MCMBP: variants seen among roughly 807,000 people sequenced by gnomAD.
MCMBP encodes the protein mini-chromosome maintenance complex-binding protein.
MCMBP carries 31 observed loss-of-function variants against 81.3 expected under a neutral mutation model. That is an observed-to-expected ratio of 0.38 (90% CI 0.29 to 0.51). The LOEUF (loss-of-function observed/expected upper bound fraction) is 0.51, where lower values mean the gene tolerates loss of function less well. MCMBP is among the 20% of genes least tolerant of loss of function. MCMBP has a pLI of 0.87. For missense variants in MCMBP, 645 were observed against 772.1 expected, an observed-to-expected ratio of 0.84 and a Z score of 1.95; for synonymous variants, 267 against 275.9, an observed-to-expected ratio of 0.97 and a Z score of 0.32.
In MCMBP at chr10:119,838,575, G is replaced by A. The variant is rs766651867; in HGVS notation, c.1368C>T (p.Ile456=). 11 of 1,613,968 alleles carry A rather than the reference G, an allele frequency of 6.8e-6. No individual in the cohort carries two copies. The highest frequency in any genetic ancestry group is 1.1e-5 in the South Asian group (1 of 91,086). The change falls in exon 12 of 16, where the codon ATC becomes ATT. Residue 456 remains isoleucine, a synonymous_variant. Coordinates refer to ENST00000369077, the MANE Select transcript of MCMBP (RefSeq NM_001256378.2). The part of the protein sequence containing the change: ...LQLPSNTSLV[I]DETLLEQGQL... ...GCCCCTGTTCCAGGAGAGTCTCATC[G>A]ATTACAAGGGAAGTATTGCTGGGCA...
At chr10:119,868,123 G>A (rs1853538314) in intron 1 of MCMBP, among the ~76,000 whole-genome samples, 1 of 152,148 alleles carries the variant, frequency 6.6e-6, no homozygotes, top group South Asian at 2.1e-4. Flanking sequence ...ACCAATAGTT[G>A]AAGGGAAAAC....
chr10:119,838,446 G>T, intron 12 of MCMBP, 89 bp downstream of exon 12: 4 of 1,256,058 alleles, frequency 3.2e-6, no homozygotes, highest in African/African-American at 1.5e-5. Flanking sequence ...ATGTGAATTT[G>T]TCCATAGATA....
Position 119,843,329 on chromosome 10 carries a change from C to T in MCMBP, c.925G>A (p.Val309Met). 2 of 1,614,082 alleles carry T rather than the reference C, an allele frequency of 1.2e-6. No homozygotes were observed. Among genetic ancestry groups the T allele is most frequent in the South Asian group, 1.1e-5 (1 of 91,076 alleles). ...PPASLVPRIH[V>M]ILAQKLQHIN... ...TGTTGCAACTTCTGGGCTAAGATCA[C>T]ATGAATTCTCGGCACTAATGAAGCA... is the stretch of plus-strand genomic sequence containing the variant. Residue 309 changes from valine to methionine, a missense_variant, in exon 9 of 16, where the codon GTG becomes ATG. Transcript: ENST00000369077.
chr10:119,844,684 C>A (rs948216238), intron 8 of MCMBP, among the ~76,000 whole-genome samples: 3 of 152,154 alleles, frequency 2.0e-5, no homozygotes, highest in Admixed American at 6.5e-5. Flanking sequence ...AGTCAGCGGG[C>A]TGGGAGAGGC....
At chr10:119,855,560 T>C (rs1421592756) in intron 5 of MCMBP, among the ~76,000 whole-genome samples, 1 of 152,032 alleles carries the variant, frequency 6.6e-6, no homozygotes, top group Non-Finnish European at 1.5e-5. Context: ...CAATCCCAGC[T>C]ACTTGGGAGG....
rs1327891657 is a variant in MCMBP, at chr10:119,841,039, T to C, written c.1125-79A>G. ...ATCAAATAGCGAAGAATAGAAAAAT[T>C]AGCTTAATATTGTCATTAAAAATAA... On this transcript the variant is annotated intron_variant, in intron 10 of 15. Transcript: ENST00000369077. 6 of 828,264 alleles carry C rather than the reference T, an allele frequency of 7.2e-6. No homozygotes were observed. In the African/African-American group the frequency reaches 1.0e-4, roughly 14 times the overall value. 51.3% of individuals were successfully genotyped at this position (828,264 alleles called of 1,614,324 possible).
At chr10:119,845,363 A>G (rs1025382408) in intron 8 of MCMBP, among the ~76,000 whole-genome samples, 1 of 152,184 alleles carries the variant, frequency 6.6e-6, no homozygotes, top group Non-Finnish European at 1.5e-5. Flanking sequence ...CAATCTCAAA[A>G]CAAAACAAAA....
intron 2 of MCMBP, among the ~76,000 whole-genome samples, chr10:119,859,478 T>C (rs1347557707): frequency 1.3e-5 from 2 of 152,240 alleles, no homozygotes; most frequent in Non-Finnish European, 2.9e-5. Context: ...ATTTACTTTG[T>C]TGAGCTCTTC....
intron 11 of MCMBP, among the ~76,000 whole-genome samples, chr10:119,838,926 A>G (rs1280633363): frequency 6.6e-6 from 1 of 152,160 alleles, no homozygotes; most frequent in Non-Finnish European, 1.5e-5. Flanking sequence ...GTCTTGTTCA[A>G]TATTCTTGAA....
At chr10:119,845,493 G>T (rs192661914) in intron 8 of MCMBP, among the ~76,000 whole-genome samples, 76 of 152,210 alleles carry the variant, frequency 5.0e-4, no homozygotes, top group African/African-American at 1.8e-3. Context: ...AAATGTATAC[G>T]TATCTTCATA....
intron 1 of MCMBP, among the ~76,000 whole-genome samples, chr10:119,861,410 C>T (rs1853249712): frequency 6.6e-6 from 1 of 152,124 alleles, no homozygotes. Flanking sequence ...CAACCCCGAA[C>T]CACAGAATCA....
chr10:119,848,387 GGGTC>G (rs1311057596), intron 7 of MCMBP, among the ~76,000 whole-genome samples: 3 of 152,114 alleles, frequency 2.0e-5, no homozygotes, highest in Non-Finnish European at 2.9e-5. Context: ...TGAGGTGGGT[GGGTC>G]ACTTGAGGTC....
chr10:119,848,302 A>C (rs886807230), intron 7 of MCMBP, among the ~76,000 whole-genome samples: 2 of 152,188 alleles, frequency 1.3e-5, no homozygotes, highest in Non-Finnish European at 1.5e-5. Context: ...ATATGACTTA[A>C]GTGTCATTTC....
chr10:119,855,629 C>T (rs950443277), intron 5 of MCMBP, among the ~76,000 whole-genome samples: 2 of 151,956 alleles, frequency 1.3e-5, no homozygotes, highest in African/African-American at 4.8e-5. Context: ...CGAGATTGTG[C>T]CACTGCACTC....
intron 11 of MCMBP, among the ~76,000 whole-genome samples, chr10:119,840,522 AGAGTTT>A: frequency 6.6e-6 from 1 of 152,370 alleles, no homozygotes; most frequent in Admixed American, 6.5e-5. Context: ...CCTACAATTT[AGAGTTT>A]ATTTAGATTT....
chr10:119,833,367 A>G (rs1852114934), intron 14 of MCMBP, among the ~76,000 whole-genome samples: 1 of 151,964 alleles, frequency 6.6e-6, no homozygotes, highest in Non-Finnish European at 1.5e-5. Flanking sequence ...TTGTGGCTAG[A>G]TGTGGTGGCT....
chr10:119,865,335 T>TA (rs1372010058), intron 1 of MCMBP, among the ~76,000 whole-genome samples: 4 of 152,202 alleles, frequency 2.6e-5, no homozygotes, highest in Non-Finnish European at 5.9e-5. Context: ...CTTATGCCCG[T>TA]AATCCCAGCA....
rs1564870193 is a variant in MCMBP, at chr10:119,835,755, C to T, written c.1543-51G>A. ...TTTTCTGAGTTCCTAAATTAATCTA[C>T]ATTTTTAAAGAAAGATGCATCATCT... On this transcript the variant is annotated intron_variant, in intron 13 of 15. Transcript: ENST00000369077. The T allele has an allele frequency of 2.5e-6, 4 of 1,585,118 alleles. No homozygotes were observed. In the South Asian group the frequency reaches 3.4e-5, roughly 13 times the overall value.
intron 13 of MCMBP, among the ~76,000 whole-genome samples, chr10:119,836,078 C>T (rs967593138): frequency 3.9e-5 from 6 of 152,222 alleles, no homozygotes; most frequent in African/African-American, 1.2e-4. Flanking sequence ...ACGCAATCCA[C>T]CTGCCTTGGC....
Sources: gnomAD v4.1 joint callset for allele counts (sites outside exome capture counted in the v4.1 genomes callset) on GRCh38, gnomAD v4.1.1 for gene constraint, MANE v1.5 for transcripts, NCBI Gene and HGNC (gene_info 2026-07-23, HGNC 2026-07-21) for gene names.